Variants in CNTLN observed in about 807,000 individuals in gnomAD.
CNTLN encodes centlein, centrosomal protein.
Under a neutral mutation model 180.0 loss-of-function variants are expected in CNTLN, and 212 were observed. That is an observed-to-expected ratio of 1.18 (90% CI 1.05 to 1.32). The LOEUF (loss-of-function observed/expected upper bound fraction) is 1.32, where lower values mean the gene tolerates loss of function less well. Among genes scored for constraint, CNTLN ranks in the 40% most tolerant of loss-of-function variants. The pLI, the probability that CNTLN is intolerant of heterozygous loss-of-function variation, is 0.00. For synonymous variants in CNTLN, 722 were observed against 563.1 expected (o/e 1.28, Z -3.99); for missense variants, 2,095 against 1,610.9 (o/e 1.30, Z -5.14).
chr9:17,279,146 A>G (rs1320862926), intron 6 of CNTLN, among the ~76,000 whole-genome samples: 1 of 152,110 alleles, frequency 6.6e-6, no homozygotes, highest in East Asian at 1.9e-4. Context: ...TCTGCTCTGT[A>G]TACTCTGGAA....
intron 25 of CNTLN, among the ~76,000 whole-genome samples, chr9:17,494,073 C>G (rs1220216840): frequency 2.0e-5 from 3 of 152,280 alleles, no homozygotes; most frequent in East Asian, 1.9e-4. Context: ...TGCATTGTCC[C>G]TTGTAAAAGT....
intron 1 of CNTLN, among the ~76,000 whole-genome samples, chr9:17,138,372 G>A (rs1376208037): frequency 1.3e-5 from 2 of 152,056 alleles, no homozygotes; most frequent in Non-Finnish European, 1.5e-5. Flanking sequence ...AAAAATTAGG[G>A]TATTTAAATG....
In CNTLN at chr9:17,473,605, A is replaced by AC. The variant is rs1278273280; in HGVS notation, c.3855+6714_3855+6715insC. On this transcript the variant is annotated intron_variant, in intron 23 of 25. Transcript: ENST00000380647. ...CACACCATTTACCAAAAAAAAAAAA[A>AC]ACAAAACAAAAAACAACCCTTCATT... Among the ~76,000 whole-genome samples the AC allele has an allele frequency of 3.6e-3, 539 of 147,724 alleles. 4 individuals carry two copies. The highest frequency in any genetic ancestry group is 0.027 in the East Asian group (135 of 5,076).
the CNTLN span, among the ~76,000 whole-genome samples, chr9:17,518,834 C>A: frequency 6.6e-6 from 1 of 152,156 alleles, no homozygotes; most frequent in African/African-American, 2.4e-5. Context: ...GCTGGGACCC[C>A]AAGTGAGAGT....
chr9:17,376,385 T>TA (rs1167649843), intron 13 of CNTLN, among the ~76,000 whole-genome samples: 1 of 152,090 alleles, frequency 6.6e-6, no homozygotes, highest in Non-Finnish European at 1.5e-5. Context: ...CACAACATGT[T>TA]AGAGATAAAA....
At chr9:17,409,160 C>T in intron 15 of CNTLN, 133 bp from the exon 16 acceptor site, 3 of 688,114 alleles carry the variant, frequency 4.4e-6, no homozygotes, top group South Asian at 1.9e-5. Context: ...CATTGAGAAC[C>T]AGTAAATGCC....
At chr9:17,175,374 T>A (rs1172604296) in intron 2 of CNTLN, among the ~76,000 whole-genome samples, 4 of 152,162 alleles carry the variant, frequency 2.6e-5, no homozygotes, top group African/African-American at 9.6e-5. Context: ...GGATGTCTAA[T>A]TCTTCTAGCA....
At chr9:17,358,203 A>AT (rs2133359152) in intron 12 of CNTLN, among the ~76,000 whole-genome samples, 1 of 152,210 alleles carries the variant, frequency 6.6e-6, no homozygotes, top group Non-Finnish European at 1.5e-5. Context: ...ATAGTGAACA[A>AT]TTAGAAGCAA....
At chr9:17,279,833 C>CCTTTAAGAGGCCGTTGGG (rs1554676200) in intron 6 of CNTLN, among the ~76,000 whole-genome samples, 8 of 152,214 alleles carry the variant, frequency 5.3e-5, no homozygotes, top group Non-Finnish European at 1.2e-4. Context: ...GGACATTGGG[C>CCTTTAAGAGGCCGTTGGG]TCTGCCTTCA....
intron 8 of CNTLN, among the ~76,000 whole-genome samples, chr9:17,326,191 C>T (rs1820277754): frequency 1.3e-5 from 2 of 151,780 alleles, no homozygotes; most frequent in Admixed American, 6.6e-5. Context: ...AGCCTTTAGC[C>T]GTGTAGTCAG....
At chr9:17,218,398 TG>T (rs1823907961) in intron 2 of CNTLN, among the ~76,000 whole-genome samples, 1 of 152,144 alleles carries the variant, frequency 6.6e-6, no homozygotes, top group Admixed American at 6.6e-5. Context: ...ACAATATTTT[TG>T]CAACCTCTTT....
intron 5 of CNTLN, among the ~76,000 whole-genome samples, chr9:17,258,471 G>T (rs1826686045): frequency 6.6e-6 from 1 of 151,236 alleles, no homozygotes; most frequent in Middle Eastern, 3.2e-3. Flanking sequence ...GCTCTCTTTT[G>T]GTTCCATATG....
At chr9:17,357,178 C>T (rs1330078550) in intron 12 of CNTLN, among the ~76,000 whole-genome samples, 1 of 152,002 alleles carries the variant, frequency 6.6e-6, no homozygotes, top group Non-Finnish European at 1.5e-5. Context: ...GAACCATGTG[C>T]CAGAAGTTCC....
At chr9:17,155,812 C>G (rs563847409) in intron 2 of CNTLN, among the ~76,000 whole-genome samples, 1 of 152,090 alleles carries the variant, frequency 6.6e-6, no homozygotes, top group Non-Finnish European at 1.5e-5. Context: ...GCAGCTAGTT[C>G]GGTGTCTGCC....
chr9:17,522,126 G>C, the CNTLN span, among the ~76,000 whole-genome samples: 1 of 152,066 alleles, frequency 6.6e-6, no homozygotes, highest in African/African-American at 2.4e-5. Context: ...TGTCTCCTAT[G>C]ACATAGGACT....
chr9:17,407,456 C>T lies in CNTLN; in HGVS notation c.2616-1837C>T, dbSNP rs182531119. On this transcript the variant is annotated intron_variant, in intron 15 of 25. Transcript: ENST00000380647. ...GTTTATCAAATTGTGATTAACATGACGTTGAGAGGGATGTAAAATACGTCA... is the reference window on the plus strand; with the variant it reads ...GTTTATCAAATTGTGATTAACATGATGTTGAGAGGGATGTAAAATACGTCA... Among the ~76,000 whole-genome samples, 257 of 152,142 alleles carry T rather than the reference C, an allele frequency of 1.7e-3. 2 individuals are homozygous for T. The highest frequency in any genetic ancestry group is 4.6e-4 in the Non-Finnish European group (31 of 67,996).
At chr9:17,330,458 T>C (rs1265906914) in intron 8 of CNTLN, among the ~76,000 whole-genome samples, 174 bp from the exon 9 acceptor site, 2 of 152,026 alleles carry the variant, frequency 1.3e-5, no homozygotes, top group African/African-American at 4.8e-5. Context: ...TATTGGAAAA[T>C]ACTATTCTAT....
chr9:17,354,683 A>G (rs1587748163), intron 12 of CNTLN, among the ~76,000 whole-genome samples: 1 of 152,204 alleles, frequency 6.6e-6, no homozygotes, highest in East Asian at 1.9e-4. Context: ...GCGCCCTGTC[A>G]AAAGAGGCCA....
At chr9:17,247,196 A>G (rs1297413603) in intron 5 of CNTLN, among the ~76,000 whole-genome samples, 1 of 152,130 alleles carries the variant, frequency 6.6e-6, no homozygotes, top group Non-Finnish European at 1.5e-5. Flanking sequence ...CACACCACCA[A>G]GACTGCCTGG....
Sources: allele counts gnomAD v4.1 joint callset (sites outside exome capture counted in the v4.1 genomes callset), GRCh38; gene constraint gnomAD v4.1.1; transcripts MANE v1.5; gene names NCBI Gene and HGNC (gene_info 2026-07-23, HGNC 2026-07-21).